The following SCAI variants were observed in gnomAD, a reference collection of about 807,000 sequenced individuals.
SCAI encodes protein SCAI.
Under a neutral mutation model 92.2 loss-of-function variants are expected in SCAI, and 24 were observed. The observed-to-expected ratio is 0.26, with a 90% confidence interval of 0.19 to 0.37. SCAI has a LOEUF of 0.37. Ranked by LOEUF, SCAI falls within the 10% of genes least tolerant of loss-of-function variation. The pLI is 1.00. For synonymous variants in SCAI, 261 were observed against 258.6 expected (o/e 1.01, Z -0.09); for missense variants, 450 against 736.2 (o/e 0.61, Z 4.50).
At position 124,951,033 on chromosome 9, in the gene SCAI, G is replaced by C. The variant is rs1831226936; in HGVS notation, c.*1774C>G. The C allele has an allele frequency of 6.8e-6, 1 of 147,118 alleles. No individual in the cohort carries two copies. The highest frequency in any genetic ancestry group is 2.2e-4 in the South Asian group (1 of 4,636). The allele number at this position is 147,118 out of a possible 1,614,324, so 9.1% of individuals were successfully genotyped here. ...TGAATGTACCGCTGCACCCCAACCT[G>C]GGCAACAAAGCAAGACTCTGTCTCT... On this transcript the variant is annotated 3_prime_UTR_variant, in exon 18 of 18. Coordinates refer to ENST00000336505, the MANE Select transcript of SCAI (RefSeq NM_001144877.3).
intron 2 of SCAI, among the ~76,000 whole-genome samples, chr9:125,107,834 CCA>C: frequency 6.6e-6 from 1 of 152,260 alleles, no homozygotes; most frequent in East Asian, 1.9e-4. Context: ...CTCCCTCTCC[CCA>C]CAGTCTCCCT....
intron 2 of SCAI, among the ~76,000 whole-genome samples, chr9:125,111,094 A>G (rs1171301033): frequency 6.6e-6 from 1 of 152,228 alleles, no homozygotes; most frequent in East Asian, 1.9e-4. Context: ...TATGTACAAA[A>G]TATAGATGTA....
At chr9:125,122,285 C>T (rs907068175) in intron 2 of SCAI, among the ~76,000 whole-genome samples, 6 of 152,072 alleles carry the variant, frequency 3.9e-5, no homozygotes, top group African/African-American at 1.4e-4. Flanking sequence ...TAACTTATAT[C>T]TTAATGATTT....
chr9:124,971,647 C>T (rs2289631), intron 16 of SCAI, 24 bp downstream of exon 16: 914,182 of 1,547,934 alleles, frequency 0.59, 272,922 homozygotes, highest in Admixed American at 0.69. Flanking sequence ...TTCTGTTAAA[C>T]GTGCAGTTAG....
At chr9:125,140,521 T>C (rs144965593) in intron 2 of SCAI, among the ~76,000 whole-genome samples, 1 of 151,668 alleles carries the variant, frequency 6.6e-6, no homozygotes, top group Non-Finnish European at 1.5e-5. Flanking sequence ...AAGTAAGACT[T>C]TGTCTCAGGA....
At chr9:125,129,425 A>G (rs1835349485) in intron 2 of SCAI, among the ~76,000 whole-genome samples, 1 of 151,212 alleles carries the variant, frequency 6.6e-6, no homozygotes, top group Non-Finnish European at 1.5e-5. Flanking sequence ...AAAAATAAAT[A>G]AAAAGAAGGA....
intron 3 of SCAI, among the ~76,000 whole-genome samples, chr9:125,055,545 A>T (rs1833643643): frequency 6.6e-6 from 1 of 152,216 alleles, no homozygotes; most frequent in Admixed American, 6.5e-5. Context: ...CTCCACATTC[A>T]ATTGCATATG....
Position 124,976,125 on chromosome 9 carries a change from T to G in SCAI, c.1388A>C (p.Lys463Thr). The G allele has an allele frequency of 1.2e-6, 2 of 1,610,844 alleles. No individual in the cohort carries two copies. The highest frequency in any genetic ancestry group is 2.2e-5 in the South Asian group (2 of 91,016). Residue 463 changes from lysine to threonine, a missense_variant, in exon 15 of 18, where the codon AAA becomes ACA. Lys to Thr is a moderately conservative substitution (Grantham distance 78). This residue lies in a region of SCAI where 360 missense variants were observed against 601.8 expected (regional missense o/e 0.60). Transcript: ENST00000336505. Reference sequence around the variant, plus strand: ...ATGAGGGTACATACCTTGTAAAGCTTTTGGATATGCTGTAGGAGAAAGCAA... The same window carrying G: ...ATGAGGGTACATACCTTGTAAAGCTGTTGGATATGCTGTAGGAGAAAGCAA... ...VCLLSPTAYP[K>T]ALQDQSQRGS...
At chr9:125,054,233 C>G (rs550056187) in intron 3 of SCAI, among the ~76,000 whole-genome samples, 2 of 152,294 alleles carry the variant, frequency 1.3e-5, no homozygotes, top group South Asian at 4.1e-4. Flanking sequence ...CCTCAGCCTC[C>G]CGAAGTGCTG....
Position 125,114,402 on chromosome 9 carries a change from TA to T in SCAI, c.98+28230del, listed in dbSNP as rs886750472. 4.6e-5 allele frequency among the ~76,000 whole-genome samples: 7 copies of T among 151,462 alleles called. No individual in the cohort carries two copies. The East Asian group carries it at 5.8e-4, about 13-fold the overall frequency. The stretch of plus-strand genomic sequence containing the variant: ...GAAGAATGAAATAAAGTTTTTTCCT[TA>T]AAAAAAAATTATACATCTAGTATAA... On this transcript the variant is annotated intron_variant, in intron 2 of 17. Transcript: ENST00000336505.
chr9:125,070,958 G>A (rs1833969202), intron 2 of SCAI, among the ~76,000 whole-genome samples: 1 of 152,112 alleles, frequency 6.6e-6, no homozygotes, highest in Non-Finnish European at 1.5e-5. Context: ...CATGGGGGCG[G>A]TTTCCCCCAT....
At chr9:124,987,089 G>A (rs963628747) in intron 14 of SCAI, among the ~76,000 whole-genome samples, 2 of 152,206 alleles carry the variant, frequency 1.3e-5, no homozygotes, top group Non-Finnish European at 2.9e-5. Flanking sequence ...CTGGAGTGCA[G>A]TGGTGCGATC....
chr9:125,117,773 C>A (rs1242306924), intron 2 of SCAI, among the ~76,000 whole-genome samples: 1 of 150,098 alleles, frequency 6.7e-6, no homozygotes, highest in Non-Finnish European at 1.5e-5. Context: ...CTTCAATAAA[C>A]CCTCACAGGA....
At chr9:125,056,034 G>A in intron 2 of SCAI, 27 bp from the exon 3 acceptor site, 1 of 1,549,122 alleles carries the variant, frequency 6.5e-7, no homozygotes, top group Non-Finnish European at 8.7e-7. Flanking sequence ...GTTCATTCAT[G>A]CAGGAGGTAA....
chr9:125,142,607 A>G, intron 2 of SCAI, 26 bp downstream of exon 2: 1 of 1,604,124 alleles, frequency 6.2e-7, no homozygotes, highest in East Asian at 2.2e-5. Context: ...AAAAACATGA[A>G]GCAAAATAGG....
chr9:125,008,900 C>CT (rs1832571097), intron 9 of SCAI, among the ~76,000 whole-genome samples: 1 of 152,044 alleles, frequency 6.6e-6, no homozygotes, highest in Non-Finnish European at 1.5e-5. Flanking sequence ...CTGAATATAA[C>CT]ATAGTAAAAC....
intron 3 of SCAI, among the ~76,000 whole-genome samples, chr9:125,046,223 A>ATATATATATATATG (rs1833433302): frequency 8.0e-6 from 1 of 125,186 alleles, no homozygotes; most frequent in Non-Finnish European, 1.7e-5. Context: ...ATATATATAT[A>ATATATATATATATG]TGCACACACA....
At position 125,003,081 on chromosome 9, in the gene SCAI, A is replaced by T. The variant is rs111467425; in HGVS notation, c.1065+33T>A. 957 of 1,353,892 alleles carry T rather than the reference A, an allele frequency of 7.1e-4. 2 individuals are homozygous for T. The highest frequency in any genetic ancestry group is 6.7e-3 in the Middle Eastern group (37 of 5,542). 83.9% of individuals were successfully genotyped at this position (1,353,892 alleles called of 1,614,324 possible). On this transcript the variant is annotated intron_variant, in intron 11 of 17. Transcript: ENST00000336505. ...TAGATTTTAGTTAGGGCACACTTTCACCTCATAGTAAAAAGTACTGGATCA... is the reference window on the plus strand; with the variant it reads ...TAGATTTTAGTTAGGGCACACTTTCTCCTCATAGTAAAAAGTACTGGATCA...
At chr9:125,046,969 C>T (rs1833456145) in intron 3 of SCAI, among the ~76,000 whole-genome samples, 1 of 152,008 alleles carries the variant, frequency 6.6e-6, no homozygotes, top group South Asian at 2.1e-4. Context: ...GAAATGGTGA[C>T]AGCATAGTAT....
Sources: allele counts gnomAD v4.1 joint callset (sites outside exome capture counted in the v4.1 genomes callset), GRCh38; gene constraint gnomAD v4.1.1; regional missense constraint gnomAD v4.1.1; transcripts MANE v1.5; gene names NCBI Gene and HGNC (gene_info 2026-07-23, HGNC 2026-07-21).